Variants in KRABD5 observed in about 807,000 individuals in gnomAD.
KRABD5 encodes the protein KRAB domain-containing protein 5.
At chr16:31,719,545 A>G in the KRABD5 span, among the ~76,000 whole-genome samples, 1 of 152,192 alleles carries the variant, frequency 6.6e-6, no homozygotes, top group Non-Finnish European at 1.5e-5. Context: ...AGAGATGGGA[A>G]GCCTAGGGCC....
chr16:31,748,088 T>C, the KRABD5 span, among the ~76,000 whole-genome samples: 146 of 152,224 alleles, frequency 9.6e-4, no homozygotes, highest in African/African-American at 3.3e-3. Flanking sequence ...TGAATGGTAA[T>C]GCCTAGGTTT....
the KRABD5 span, among the ~76,000 whole-genome samples, chr16:31,738,559 C>G: frequency 6.6e-6 from 1 of 152,016 alleles, no homozygotes; most frequent in East Asian, 1.9e-4. Flanking sequence ...ATGTTCAGCT[C>G]ATATGTGTTC....
the KRABD5 span, among the ~76,000 whole-genome samples, chr16:31,737,490 G>A: frequency 6.6e-6 from 1 of 151,574 alleles, no homozygotes; most frequent in Non-Finnish European, 1.5e-5. Context: ...GTTCATGTTT[G>A]TAAATGTGCA....
the KRABD5 span, chr16:31,754,030 C>G: frequency 4.4e-6 from 5 of 1,131,282 alleles, no homozygotes; most frequent in Admixed American, 2.0e-5. Flanking sequence ...GTTGCTTTTT[C>G]TAAACCATGT....
At chr16:31,731,049 AGATGATTACTATG>A in the KRABD5 span, among the ~76,000 whole-genome samples, 1 of 152,258 alleles carries the variant, frequency 6.6e-6, no homozygotes, top group South Asian at 2.1e-4. Context: ...ATTTCTTTGG[AGATGATTACTATG>A]GCTTTTTAAT....
At chr16:31,714,483 G>C in the KRABD5 span, 13 of 453,330 alleles carry the variant, frequency 2.9e-5, no homozygotes, top group Middle Eastern at 1.4e-3. Flanking sequence ...TCTGACGTTT[G>C]CTATCCTGGG....
At chr16:31,743,764 T>C in the KRABD5 span, among the ~76,000 whole-genome samples, 1 of 152,214 alleles carries the variant, frequency 6.6e-6, no homozygotes, top group East Asian at 1.9e-4. Flanking sequence ...GGATGGAATA[T>C]TTTTCCATTT....
At chr16:31,727,498 A>G in the KRABD5 span, among the ~76,000 whole-genome samples, 1 of 152,206 alleles carries the variant, frequency 6.6e-6, no homozygotes, top group South Asian at 2.1e-4. Flanking sequence ...ATGTACTTAT[A>G]TACCCACTTT....
the KRABD5 span, chr16:31,759,555 C>T: frequency 1.2e-6 from 1 of 853,310 alleles, no homozygotes; most frequent in Non-Finnish European, 1.9e-6. Context: ...CAAAAAAAAT[C>T]TTAAAAAAAT....
chr16:31,725,688 A>T, the KRABD5 span, among the ~76,000 whole-genome samples: 8 of 152,190 alleles, frequency 5.3e-5, no homozygotes, highest in Non-Finnish European at 1.2e-4. Context: ...ATGTGAGGTG[A>T]TGGCTCATTG....
chr16:31,754,749 C>G, the KRABD5 span: 1 of 460,360 alleles, frequency 2.2e-6, no homozygotes, highest in African/African-American at 2.0e-5. Context: ...AGTAAATTGT[C>G]AAGTCTAAGA....
the KRABD5 span, among the ~76,000 whole-genome samples, chr16:31,752,231 G>C: frequency 1.3e-5 from 2 of 152,164 alleles, no homozygotes; most frequent in African/African-American, 4.8e-5. Context: ...TATGTGTTCT[G>C]TGGTTGATGG....
chr16:31,733,718 C>G, the KRABD5 span: 56,235 of 428,460 alleles, frequency 0.13, 5,531 homozygotes, highest in South Asian at 0.29. Context: ...TAATACTTGT[C>G]AAAATGTCTC....
the KRABD5 span, chr16:31,755,583 G>A: frequency 5.8e-5 from 27 of 466,924 alleles, 2 homozygotes; most frequent in South Asian, 3.9e-4. Context: ...TCCTTTAACC[G>A]GTCTTCAAAC....
At chr16:31,724,139 G>A in the KRABD5 span, among the ~76,000 whole-genome samples, 26 of 151,966 alleles carry the variant, frequency 1.7e-4, no homozygotes, top group Non-Finnish European at 3.2e-4. Flanking sequence ...TTATAATTTT[G>A]TCTGGTTAAC....
chr16:31,723,186 A>C, the KRABD5 span: 1 of 1,491,288 alleles, frequency 6.7e-7, no homozygotes, highest in Non-Finnish European at 9.1e-7. Context: ...TTCCCTCTTT[A>C]CTGAGTATCC....
At chr16:31,718,812 G>C in the KRABD5 span, among the ~76,000 whole-genome samples, 8 of 152,264 alleles carry the variant, frequency 5.3e-5, no homozygotes, top group Non-Finnish European at 5.9e-5. Context: ...GGATCACCAG[G>C]AACTCCCTCA....
At chr16:31,713,776 G>T in the KRABD5 span, among the ~76,000 whole-genome samples, 1 of 152,194 alleles carries the variant, frequency 6.6e-6, no homozygotes, top group African/African-American at 2.4e-5. Context: ...TGTGCCCCGT[G>T]GTGTCCCAGT....
the KRABD5 span, among the ~76,000 whole-genome samples, chr16:31,750,727 T>A: frequency 3.3e-5 from 5 of 151,780 alleles, no homozygotes; most frequent in African/African-American, 9.7e-5. Flanking sequence ...GTTTTTTTTT[T>A]ATCATTAAGG....
Sources: gnomAD v4.1 joint callset for allele counts (sites outside exome capture counted in the v4.1 genomes callset) on GRCh38, gnomAD v4.1.1 for gene constraint, MANE v1.5 for transcripts, NCBI Gene and HGNC (gene_info 2026-07-23, HGNC 2026-07-21) for gene names.